The following CCDC172 variants were observed in gnomAD, a reference collection of about 807,000 sequenced individuals.
CCDC172 encodes the protein coiled-coil domain-containing protein 172.
Under a neutral mutation model 38.0 loss-of-function variants are expected in CCDC172, and 30 were observed. The observed-to-expected ratio is 0.79, with a 90% CI of 0.59 to 1.07. The LOEUF (loss-of-function observed/expected upper bound fraction) is 1.07, where lower values mean the gene tolerates loss of function less well. Among genes scored for constraint, CCDC172 ranks in the 50% least tolerant of loss-of-function variants. CCDC172 has a pLI of 0.00. For missense variants in CCDC172, 297 were observed against 290.1 expected (o/e 1.02, Z -0.17); for synonymous variants, 78 against 88.3 (o/e 0.88, Z 0.66).
chr10:116,351,981 G>T (rs990732741), intron 5 of CCDC172, among the ~76,000 whole-genome samples: 4 of 152,238 alleles, frequency 2.6e-5, no homozygotes, highest in Admixed American at 6.5e-5. Flanking sequence ...TTGAGTCTTT[G>T]GATGTACTTG....
At chr10:116,348,809 G>A (rs913177200) in intron 5 of CCDC172, among the ~76,000 whole-genome samples, 3 of 151,990 alleles carry the variant, frequency 2.0e-5, no homozygotes, top group African/African-American at 7.2e-5. Flanking sequence ...ATTGTACCCT[G>A]CTTCCTCCTG....
intron 7 of CCDC172, among the ~76,000 whole-genome samples, chr10:116,376,744 T>A (rs10749208): frequency 0.23 from 34,359 of 151,920 alleles, 5,795 homozygotes; most frequent in African/African-American, 0.44. Context: ...CCACATTGTC[T>A]TAAGGATTAT....
intron 7 of CCDC172, among the ~76,000 whole-genome samples, chr10:116,363,946 A>G (rs200596825): frequency 6.6e-6 from 1 of 150,512 alleles, no homozygotes; most frequent in Non-Finnish European, 1.5e-5. Context: ...AAAAAAAAAA[A>G]AAATAATAAT....
At chr10:116,345,051 AACAATTTTAAAAAG>A (rs1238305439) in intron 5 of CCDC172, among the ~76,000 whole-genome samples, 1 of 152,138 alleles carries the variant, frequency 6.6e-6, no homozygotes, top group Non-Finnish European at 1.5e-5. Context: ...ACAAAATCAA[AACAATTTTAAAAAG>A]AATAAAATTT....
At chr10:116,339,820 T>G (rs982701533) in intron 3 of CCDC172, among the ~76,000 whole-genome samples, 7 of 151,944 alleles carry the variant, frequency 4.6e-5, no homozygotes, top group African/African-American at 1.7e-4. Context: ...CTCTTTACTA[T>G]TCAATATTGT....
At chr10:116,361,070 ATTATTATTATTATTT>A (rs1555180551) in intron 7 of CCDC172, among the ~76,000 whole-genome samples, 1 of 54,820 alleles carries the variant, frequency 1.8e-5, no homozygotes, top group South Asian at 7.3e-4. Flanking sequence ...TATTATTATT[ATTATTATTATTATTT>A]GAGACAAAGT....
chr10:116,374,524 G>A (rs965858277), intron 7 of CCDC172, among the ~76,000 whole-genome samples: 2 of 151,716 alleles, frequency 1.3e-5, no homozygotes, highest in Non-Finnish European at 2.9e-5. Context: ...ATAGCATATA[G>A]AGAGTTCAGT....
chr10:116,339,963 A>G (rs779571807), intron 3 of CCDC172, among the ~76,000 whole-genome samples: 3 of 151,940 alleles, frequency 2.0e-5, no homozygotes, highest in Non-Finnish European at 1.5e-5. Flanking sequence ...ACAGCCCCAA[A>G]CTGGAAACGA....
chr10:116,372,014 A>C (rs1238243300), intron 7 of CCDC172, among the ~76,000 whole-genome samples: 2 of 151,880 alleles, frequency 1.3e-5, no homozygotes, highest in African/African-American at 4.8e-5. Flanking sequence ...ACCCTTAGGC[A>C]CCCTTTTTCC....
chr10:116,338,162 G>A (rs1267146954), intron 3 of CCDC172, among the ~76,000 whole-genome samples: 3 of 152,096 alleles, frequency 2.0e-5, no homozygotes, highest in Non-Finnish European at 2.9e-5. Flanking sequence ...TTAACAATGT[G>A]AAGCAGTATA....
At chr10:116,336,172 A>G (rs1352955939) in intron 3 of CCDC172, among the ~76,000 whole-genome samples, 1 of 150,336 alleles carries the variant, frequency 6.7e-6, no homozygotes, top group Non-Finnish European at 1.5e-5. Flanking sequence ...CATTTCAACA[A>G]CAACAAAAAT....
chr10:116,357,013 A>G (rs570071360), intron 5 of CCDC172, among the ~76,000 whole-genome samples: 1 of 152,278 alleles, frequency 6.6e-6, no homozygotes, highest in African/African-American at 2.4e-5. Context: ...TTTTTACTAC[A>G]TGAGAAAACG....
chr10:116,353,310 G>T (rs1313052933), intron 5 of CCDC172, among the ~76,000 whole-genome samples: 2 of 151,984 alleles, frequency 1.3e-5, no homozygotes, highest in African/African-American at 4.8e-5. Flanking sequence ...AGAAAATACG[G>T]GTGTAACTCT....
At chr10:116,356,804 A>G (rs1845002354) in intron 5 of CCDC172, among the ~76,000 whole-genome samples, 2 of 152,150 alleles carry the variant, frequency 1.3e-5, no homozygotes, top group Admixed American at 1.3e-4. Context: ...ATTATAAAGG[A>G]TAGTTTTCTT....
intron 5 of CCDC172, among the ~76,000 whole-genome samples, chr10:116,352,755 G>A (rs1047655463): frequency 2.0e-5 from 3 of 151,282 alleles, no homozygotes; most frequent in Admixed American, 2.0e-4. Context: ...TATAGTGGGG[G>A]TTTTAGGCAG....
chr10:116,360,758 T>C lies in CCDC172; in HGVS notation c.653+2820T>C, dbSNP rs148315801. ...AGAGCGTGTTTTCCCACTCTGCTTC[T>C]CCATCTCTTAAGTTTTATCATTGCT... On this transcript the variant is annotated intron_variant, in intron 7 of 8. Coordinates refer to ENST00000333254, the MANE Select transcript of CCDC172 (RefSeq NM_198515.3). Among the ~76,000 whole-genome samples the C allele has an allele frequency of 6.0e-4, 92 of 152,212 alleles. 1 individual carries two copies. The South Asian group carries it at 0.017, about 29-fold the overall frequency.
chr10:116,343,991 G>A (rs774850252), intron 5 of CCDC172, among the ~76,000 whole-genome samples: 14 of 152,132 alleles, frequency 9.2e-5, no homozygotes, highest in Non-Finnish European at 1.5e-4. Flanking sequence ...TGAAGACAGG[G>A]AGGGCATCTT....
intron 3 of CCDC172, among the ~76,000 whole-genome samples, chr10:116,327,299 C>T (rs1293373988): frequency 5.3e-5 from 8 of 152,092 alleles, no homozygotes; most frequent in Non-Finnish European, 1.2e-4. Flanking sequence ...AAACATTTTT[C>T]GTCATGACAT....
chr10:116,325,011 G>C lies in CCDC172; in HGVS notation c.-1G>C, dbSNP rs774113158. 2.5e-6 allele frequency: 4 copies of C among 1,613,808 alleles called. No individual in the cohort carries two copies. Among genetic ancestry groups the C allele is most frequent in the Non-Finnish European group, 3.4e-6 (4 of 1,179,848 alleles). ...AAGGATCGCAGGAGCCAGGCCCTGA[G>C]ATGAGCTTGGAGTCCCTGTTTCAGC... On this transcript the variant is annotated 5_prime_UTR_variant, in exon 2 of 9. Coordinates refer to ENST00000333254, the MANE Select transcript of CCDC172 (RefSeq NM_198515.3).
Sources: gnomAD v4.1 joint callset for allele counts (sites outside exome capture counted in the v4.1 genomes callset) on GRCh38, gnomAD v4.1.1 for gene constraint, MANE v1.5 for transcripts, NCBI Gene and HGNC (gene_info 2026-07-23, HGNC 2026-07-21) for gene names.